Variants in FRMD4A observed in about 807,000 individuals in gnomAD.
FRMD4A encodes the protein FERM domain-containing protein 4A.
FRMD4A carries 29 observed loss-of-function variants against 129.1 expected under a neutral mutation model. The observed-to-expected ratio is 0.22, with a 90% CI of 0.17 to 0.31. The LOEUF (loss-of-function observed/expected upper bound fraction) is 0.31. Ranked by LOEUF, FRMD4A falls within the 10% of genes least tolerant of loss-of-function variation. The pLI is 1.00. For synonymous variants in FRMD4A, 634 were observed against 571.6 expected, an observed-to-expected ratio of 1.11 and a Z score of -1.56; for missense variants, 1,272 against 1,375.8, an observed-to-expected ratio of 0.92 and a Z score of 1.19.
chr10:14,298,363 A>C (rs1013166635), intron 2 of FRMD4A, among the ~76,000 whole-genome samples: 2 of 152,192 alleles, frequency 1.3e-5, no homozygotes, highest in African/African-American at 4.8e-5. Flanking sequence ...CAGAGCATAC[A>C]GAGGGCTATT....
Position 13,660,420 on chromosome 10 carries a change from G to A in FRMD4A, c.1794C>T (p.Arg598=). 1 of 1,614,068 alleles carries A rather than the reference G, an allele frequency of 6.2e-7. No individual in the cohort carries two copies. Among genetic ancestry groups the A allele is most frequent in the Non-Finnish European group, 8.5e-7 (1 of 1,179,906 alleles). Residue 598 remains arginine, a synonymous_variant, in exon 20 of 25, where the codon CGC becomes CGT. Coordinates refer to ENST00000357447, the MANE Select transcript of FRMD4A (RefSeq NM_018027.5). ...TGATGGGTGACTTGTCATAGTCGTT[G>A]CGGTGATAGTGCATCTGTCGGAGTC... ...LEGLRQMHYH[R]NDYDKSPIKP...
intron 2 of FRMD4A, among the ~76,000 whole-genome samples, chr10:13,938,978 A>G (rs1027683982): frequency 3.9e-5 from 6 of 152,230 alleles, no homozygotes; most frequent in African/African-American, 1.4e-4. Context: ...GATAGAGGCC[A>G]GGGATGCTGT....
intron 2 of FRMD4A, among the ~76,000 whole-genome samples, chr10:14,066,673 C>G (rs1365629795): frequency 6.6e-6 from 1 of 151,978 alleles, no homozygotes; most frequent in African/African-American, 2.4e-5. Flanking sequence ...TCCCAAAGGA[C>G]TAAGAAGGTC....
intron 12 of FRMD4A, among the ~76,000 whole-genome samples, chr10:13,721,343 G>A (rs934655447): frequency 6.6e-6 from 1 of 152,040 alleles, no homozygotes; most frequent in Admixed American, 6.5e-5. Context: ...TTAGCCAGGC[G>A]TGGTGGCAGG....
chr10:13,781,937 G>A (rs10906479), intron 6 of FRMD4A, among the ~76,000 whole-genome samples: 69,172 of 151,824 alleles, frequency 0.46, 17,625 homozygotes, highest in African/African-American at 0.68. Flanking sequence ...ACTGAATGCC[G>A]CTGAACTGCA....
At chr10:14,174,928 C>T (rs183919005) in intron 2 of FRMD4A, among the ~76,000 whole-genome samples, 119 of 149,806 alleles carry the variant, frequency 7.9e-4, no homozygotes, top group African/African-American at 2.8e-3. Context: ...TGGACGCGCG[C>T]GTACGGGCAC....
chr10:13,964,180 T>TGACG (rs968719787), intron 2 of FRMD4A, among the ~76,000 whole-genome samples: 1 of 149,246 alleles, frequency 6.7e-6, no homozygotes, highest in African/African-American at 2.5e-5. Flanking sequence ...ATGACTCTGA[T>TGACG]GACGGACGCG....
At chr10:13,738,319 T>G (rs17153824) in intron 11 of FRMD4A, among the ~76,000 whole-genome samples, 3,363 of 152,240 alleles carry the variant, frequency 0.022, 250 homozygotes, top group East Asian at 0.2. Context: ...ATGTCACACC[T>G]AATAAAAGGA....
At chr10:13,704,568 C>A (rs1427008212) in intron 13 of FRMD4A, among the ~76,000 whole-genome samples, 2 of 152,212 alleles carry the variant, frequency 1.3e-5, no homozygotes, top group African/African-American at 2.4e-5. Flanking sequence ...TCCTGGTAAG[C>A]CTCTCCCTTC....
intron 2 of FRMD4A, among the ~76,000 whole-genome samples, chr10:13,967,632 G>A (rs1462139480): frequency 6.6e-6 from 1 of 152,242 alleles, no homozygotes; most frequent in African/African-American, 2.4e-5. Flanking sequence ...AATGATCTGA[G>A]TCAGTCCTCA....
intron 12 of FRMD4A, among the ~76,000 whole-genome samples, chr10:13,734,969 G>T (rs914889662): frequency 6.6e-6 from 1 of 152,034 alleles, no homozygotes; most frequent in Non-Finnish European, 1.5e-5. Context: ...TGCCTTCCAG[G>T]TTCAAGTGAT....
intron 2 of FRMD4A, among the ~76,000 whole-genome samples, chr10:14,050,332 A>T (rs1231068102): frequency 6.6e-6 from 1 of 152,180 alleles, no homozygotes; most frequent in African/African-American, 2.4e-5. Context: ...AGGTATGATT[A>T]TTACCCCATT....
rs192040332 is a variant in FRMD4A, at chr10:14,282,864, G to A, written c.45+47194C>T. The stretch of plus-strand genomic sequence containing the variant: ...TTCTTCCTTCTGCCTACTGCTCTGA[G>A]GGACACCTTATTACATAGACTGATA... On this transcript the variant is annotated intron_variant, in intron 2 of 24. Coordinates refer to ENST00000357447, the MANE Select transcript of FRMD4A (RefSeq NM_018027.5). Among the ~76,000 whole-genome samples, 4 of 152,256 alleles carry A rather than the reference G, an allele frequency of 2.6e-5. No individual in the cohort carries two copies. The East Asian group carries it at 7.7e-4, about 29-fold the overall frequency.
At chr10:13,748,562 T>A (rs1207007273) in intron 8 of FRMD4A, among the ~76,000 whole-genome samples, 1 of 152,170 alleles carries the variant, frequency 6.6e-6, no homozygotes, top group Non-Finnish European at 1.5e-5. Flanking sequence ...CATGTTGGAT[T>A]TCGGATTTTC....
At position 13,750,572 on chromosome 10, in the gene FRMD4A, G is replaced by A. The variant is rs538343215; in HGVS notation, c.465-2753C>T. Among the ~76,000 whole-genome samples the A allele has an allele frequency of 5.3e-5, 8 of 152,258 alleles. No individual in the cohort carries two copies. The South Asian group carries it at 1.2e-3, about 24-fold the overall frequency. On this transcript the variant is annotated intron_variant, in intron 8 of 24. Transcript: ENST00000357447. ...ACTGGCTTTGGGGGAGGCCGTGCAC[G>A]AAGAAAAGGATAGGAATATCACTCT...
Position 14,208,308 on chromosome 10 carries a change from T to C in FRMD4A, c.45+121750A>G, listed in dbSNP as rs571925049. Reference sequence around the variant, plus strand: ...AGTTCTGGATGTAACTGCTGAGGGATAAAGTGTGTTGTTCAGGGTGCCAAT... The same window carrying C: ...AGTTCTGGATGTAACTGCTGAGGGACAAAGTGTGTTGTTCAGGGTGCCAAT... On this transcript the variant is annotated intron_variant, in intron 2 of 24. Coordinates refer to ENST00000357447, the MANE Select transcript of FRMD4A (RefSeq NM_018027.5). 1.4e-4 allele frequency among the ~76,000 whole-genome samples: 21 copies of C among 152,248 alleles called. No homozygotes were observed. The South Asian group carries it at 4.4e-3, about 32-fold the overall frequency.
intron 2 of FRMD4A, among the ~76,000 whole-genome samples, chr10:14,261,759 T>C (rs1844807922): frequency 6.6e-6 from 1 of 152,146 alleles, no homozygotes; most frequent in Non-Finnish European, 1.5e-5. Flanking sequence ...TCTTTGTCTA[T>C]AACCTGAGAG....
chr10:14,000,450 C>A (rs1334161043), intron 2 of FRMD4A, among the ~76,000 whole-genome samples: 1 of 151,660 alleles, frequency 6.6e-6, no homozygotes, highest in Non-Finnish European at 1.5e-5. Flanking sequence ...AGTTCAAGAC[C>A]AGCCTGGCCA....
intron 2 of FRMD4A, among the ~76,000 whole-genome samples, chr10:13,918,720 G>A (rs1271888135): frequency 6.6e-6 from 1 of 151,812 alleles, no homozygotes; most frequent in African/African-American, 2.4e-5. Context: ...GTAGAGATGG[G>A]GTTTTGCCAT....
Sources: allele counts gnomAD v4.1 joint callset (sites outside exome capture counted in the v4.1 genomes callset), GRCh38; gene constraint gnomAD v4.1.1; transcripts MANE v1.5; gene names NCBI Gene and HGNC (gene_info 2026-07-23, HGNC 2026-07-21).